The following ZNF446 variants were observed in gnomAD, a reference collection of about 807,000 sequenced individuals.
The protein encoded by ZNF446 is zinc finger protein with KRAB and SCAN domains 20.
Under a neutral mutation model 34.0 loss-of-function variants are expected in ZNF446, and 42 were observed. The ratio of observed to expected loss-of-function variants is 1.23; its 90% confidence interval spans 0.96 to 1.60. The LOEUF (loss-of-function observed/expected upper bound fraction) is 1.60, where lower values mean the gene tolerates loss of function less well. Ranked by LOEUF, ZNF446 falls within the 40% of genes most tolerant of loss-of-function variation. ZNF446 has a pLI of 0.00. For synonymous variants in ZNF446, 315 were observed against 251.0 expected (o/e 1.25, Z -2.41); for missense variants, 650 against 600.2 (o/e 1.08, Z -0.87).
chr19:58,484,047 G>A (rs968533718), downstream of ZNF446, among the ~76,000 whole-genome samples: 6 of 151,948 alleles, frequency 3.9e-5, no homozygotes, highest in African/African-American at 1.5e-4. Context: ...TGAGTTACAG[G>A]GAACATGAGA....
At chr19:58,478,288 T>C (rs2053107394) in intron 4 of ZNF446, 107 bp downstream of exon 4, 2 of 1,023,928 alleles carry the variant, frequency 2.0e-6, no homozygotes, top group Non-Finnish European at 2.8e-6. Context: ...AGTGGCTCTT[T>C]GCTTCCCAGA....
Position 58,480,722 on chromosome 19 carries a change from C to T in ZNF446, c.1349C>T (p.Pro450Leu), listed in dbSNP as rs2053133449. The change falls in exon 7 of 7, where the codon CCA becomes CTA. Residue 450 changes from proline (P) to leucine (L), a missense_variant. By Grantham distance (98) the Pro-to-Leu change is moderately conservative. Coordinates refer to ENST00000594369, the MANE Select transcript of ZNF446 (RefSeq NM_017908.4). The surrounding 1 kb of genome is among the most constrained non-coding windows in gnomAD (Gnocchi z 7.2). ...CGCAAGGGCCACCGGCCGGAGGTTC[C>T]ATGAGCAGCCAGACAGCACAGTCCC... Reference protein sequence around the residue: ...IHRKGHRPEVP With the variant: ...IHRKGHRPEVL The T allele has an allele frequency of 1.2e-6, 2 of 1,601,966 alleles. No individual in the cohort carries two copies. The highest frequency in any genetic ancestry group is 1.7e-5 in the Admixed American group (1 of 59,972).
Position 58,479,997 on chromosome 19 carries a change from C to G in ZNF446, c.780C>G (p.Gly260=). The change falls in exon 6 of 7, where the codon GGC becomes GGG. Residue 260 remains glycine (G), a synonymous_variant. Coordinates refer to ENST00000594369, the MANE Select transcript of ZNF446 (RefSeq NM_017908.4). ...TGGGGATGCTGCTCACGGGGACAGG[C>G]GTCTGCAGAAGCCTGCGCTCGGGTG... ...SELGMLLTGT[G]VCRSLRSGNE... The G allele has an allele frequency of 6.3e-7, 1 of 1,589,016 alleles. No homozygotes were observed. Among genetic ancestry groups the G allele is most frequent in the South Asian group, 1.1e-5 (1 of 87,560 alleles).
intron 1 of ZNF446, 71 bp from the exon 2 acceptor site, chr19:58,477,108 G>A: frequency 1.0e-6 from 1 of 959,028 alleles, no homozygotes. Context: ...AGCCCCCTGG[G>A]CTGAGCCTGG....
chr19:58,485,345 CAA>C (rs72492218), downstream of ZNF446, among the ~76,000 whole-genome samples: 34 of 120,628 alleles, frequency 2.8e-4, no homozygotes, highest in Non-Finnish European at 3.2e-4. Flanking sequence ...ACTAAAAATA[CAA>C]AAAAAAAAAA....
In ZNF446 at chr19:58,479,712, A is replaced by C. The variant is rs1026385360; in HGVS notation, c.697A>C (p.Thr233Pro). The C allele has an allele frequency of 5.0e-6, 8 of 1,613,094 alleles. No homozygotes were observed. The highest frequency in any genetic ancestry group is 6.8e-6 in the Non-Finnish European group (8 of 1,179,808). ...GGATGCGATGCTGGAGAAGTACGGC[A>C]CAGTGGTCTCCCTGGGTGAGGACCA... ...YWDAMLEKYG[T>P]VVSLGLPPHQ... The change falls in exon 5 of 7, where the codon ACA becomes CCA. Residue 233 changes from threonine (T) to proline (P), a missense_variant. By Grantham distance (38) the Thr-to-Pro change is conservative. Transcript: ENST00000594369.
chr19:58,477,164 C>T lies in ZNF446; in HGVS notation c.-40-15C>T. ...GATTCTCTTGGCTGACATTCCGACC[C>T]TTCCTTTTCTGTAGGCCCATCTTGA... On this transcript the variant is annotated splice_polypyrimidine_tract_variant and intron_variant, in intron 1 of 6. Coordinates refer to ENST00000594369, the MANE Select transcript of ZNF446 (RefSeq NM_017908.4). 2.1e-6 allele frequency: 3 copies of T among 1,454,414 alleles called. No individual in the cohort carries two copies. The highest frequency in any genetic ancestry group is 9.2e-7 in the Non-Finnish European group (1 of 1,086,920). 90.1% of individuals were successfully genotyped at this position (1,454,414 alleles called of 1,614,324 possible). A position where few individuals can be genotyped will look rare whatever the true frequency, so the allele number is the denominator to read the frequency against.
In ZNF446 at chr19:58,480,955, C is replaced by T. The variant is rs1319364682; in HGVS notation, c.*229C>T. 1.7e-6 allele frequency: 1 copy of T among 584,950 alleles called. No homozygotes were observed. The highest frequency in any genetic ancestry group is 1.9e-5 in the African/African-American group (1 of 53,664). 36.2% of individuals were successfully genotyped at this position (584,950 alleles called of 1,614,324 possible). ...GCCTCCTAGAGGGAGGTCTGGGTTCCCTTCTATGGCTGACCAGTGCCTGTG... is the reference window on the plus strand; with the variant it reads ...GCCTCCTAGAGGGAGGTCTGGGTTCTCTTCTATGGCTGACCAGTGCCTGTG... On this transcript the variant is annotated 3_prime_UTR_variant, in exon 7 of 7. Coordinates refer to ENST00000594369, the MANE Select transcript of ZNF446 (RefSeq NM_017908.4). This position sits in a 1 kb window ranked among gnomAD's most constrained non-coding sequence, Gnocchi z 7.2.
At position 58,476,425 on chromosome 19, in the gene ZNF446, C is replaced by A. The variant is rs890675820; in HGVS notation, c.-120C>A. 2 of 152,372 alleles carry A rather than the reference C, an allele frequency of 1.3e-5. No homozygotes were observed. Among genetic ancestry groups the A allele is most frequent in the Admixed American group, 1.3e-4 (2 of 15,292 alleles). The allele number at this position is 152,372 out of a possible 1,614,324, so 9.4% of individuals were successfully genotyped here. A position where few individuals can be genotyped will look rare whatever the true frequency, so the allele number is the denominator to read the frequency against. On this transcript the variant is annotated 5_prime_UTR_variant, in exon 1 of 7. Transcript: ENST00000594369. ...CTTGGAACGCCTCCCTCTTGCCTTC[C>A]CCTTTTGGGGACAGATCCCGAAGTT...
chr19:58,480,771 C>T lies in ZNF446; in HGVS notation c.*45C>T, dbSNP rs372929896. On this transcript the variant is annotated 3_prime_UTR_variant, in exon 7 of 7. Coordinates refer to ENST00000594369, the MANE Select transcript of ZNF446 (RefSeq NM_017908.4). This position sits in a 1 kb window ranked among gnomAD's most constrained non-coding sequence, Gnocchi z 7.2. Reference sequence around the variant, plus strand: ...CCTCGGGGCCTCGGTGTTCTCGGGGCCTGGATACAGCCTCTGGGGCACCAG... The same window carrying T: ...CCTCGGGGCCTCGGTGTTCTCGGGGTCTGGATACAGCCTCTGGGGCACCAG... 160 of 1,567,446 alleles carry T rather than the reference C, an allele frequency of 1.0e-4. 1 individual carries two copies. The African/African-American group carries it at 1.7e-3, about 16-fold the overall frequency.
intron 4 of ZNF446, among the ~76,000 whole-genome samples, chr19:58,479,062 T>G (rs1461689739): frequency 6.6e-6 from 1 of 152,166 alleles, no homozygotes; most frequent in Non-Finnish European, 1.5e-5. Flanking sequence ...ACAACTCCAC[T>G]GGGGAGCTTC....
chr19:58,486,024 C>G (rs2053166799), downstream of ZNF446, among the ~76,000 whole-genome samples: 1 of 151,952 alleles, frequency 6.6e-6, no homozygotes, highest in Non-Finnish European at 1.5e-5. Flanking sequence ...ACAAGCAGTC[C>G]TCTCACCTCA....
In ZNF446 at chr19:58,477,515, C is replaced by G. The variant is rs553623828; in HGVS notation, c.297C>G (p.Ala99=). The stretch of plus-strand genomic sequence containing the variant: ...CAGGCAGTCCTGAGGAGGCCGCTGC[C>G]CTAGTCGAAGGACTGCAGCATGACC... ...QRPGSPEEAA[A]LVEGLQHDPG... is the part of the protein sequence containing the mutation. Residue 99 remains alanine (A), a synonymous_variant, in exon 2 of 7, where the codon GCC becomes GCG. Transcript: ENST00000594369. The G allele has an allele frequency of 3.3e-5, 53 of 1,612,980 alleles. 1 individual carries two copies. In the East Asian group the frequency reaches 1.2e-3, roughly 35 times the overall value.
In ZNF446 at chr19:58,477,555, G is replaced by A. The variant is rs1319186116; in HGVS notation, c.337G>A (p.Gly113Ser). Residue 113 changes from glycine to serine, a missense_variant, in exon 2 of 7, where the codon GGC (glycine) becomes AGC (serine). By Grantham distance (56) the Gly-to-Ser change is moderately conservative. Transcript: ENST00000594369. ...GCAGCATGACCCTGGGCAACTGTTG[G>A]GCTGGGTGAGTGTGGCTGGCATCAG... ...GLQHDPGQLL[G>S]WITAHVLKQE... The A allele has an allele frequency of 1.9e-6, 3 of 1,612,180 alleles. No homozygotes were observed. The highest frequency in any genetic ancestry group is 2.7e-5 in the African/African-American group (2 of 74,938).
At chr19:58,479,816 C>G in intron 5 of ZNF446, 89 bp downstream of exon 5, 1 of 1,449,846 alleles carries the variant, frequency 6.9e-7, no homozygotes, top group Non-Finnish European at 9.5e-7. Context: ...CTCTGTGCTA[C>G]CAGCCCTACC....
At chr19:58,484,425 G>A (rs938217538), downstream of ZNF446, among the ~76,000 whole-genome samples, 15 of 146,316 alleles carry the variant, frequency 1.0e-4, no homozygotes, top group Admixed American at 6.9e-5. Context: ...AAGATCTCAC[G>A]ACTGCACTCC....
In ZNF446 at chr19:58,477,569, G is replaced by A. The variant is rs1156913944; in HGVS notation, c.342+9G>A. On this transcript the variant is annotated intron_variant, in intron 2 of 6. Coordinates refer to ENST00000594369, the MANE Select transcript of ZNF446 (RefSeq NM_017908.4). ...GGCAACTGTTGGGCTGGGTGAGTGT[G>A]GCTGGCATCAGCTTCTTGGAGGGAT... The A allele has an allele frequency of 6.8e-6, 11 of 1,612,516 alleles. No individual in the cohort carries two copies. The highest frequency in any genetic ancestry group is 3.3e-5 in the South Asian group (3 of 90,956).
Position 58,477,832 on chromosome 19 carries a change from G to A in ZNF446, c.532+6G>A, listed in dbSNP as rs1385340742. 6.5e-7 allele frequency: 1 copy of A among 1,540,286 alleles called. No individual in the cohort carries two copies. Among genetic ancestry groups the A allele is most frequent in the East Asian group, 2.3e-5 (1 of 43,916 alleles). ...TGTCGATGGACAGGAAGTGGGTGAG[G>A]TTGGGGTCCCACCAGAGATGAGGGA... On this transcript the variant is annotated splice_donor_region_variant and intron_variant, in intron 3 of 6. Transcript: ENST00000594369.
chr19:58,476,690 T>C (rs2053088919), intron 1 of ZNF446, among the ~76,000 whole-genome samples, 186 bp downstream of exon 1: 2 of 151,638 alleles, frequency 1.3e-5, no homozygotes, highest in African/African-American at 2.4e-5. Context: ...ACGTGCCCCC[T>C]CCCCAGAGCC....
Sources: gnomAD v4.1 joint callset for allele counts (sites outside exome capture counted in the v4.1 genomes callset) on GRCh38, gnomAD v4.1.1 for gene constraint, Gnocchi (gnomAD v3.1) non-coding constraint, MANE v1.5 for transcripts, NCBI Gene and HGNC (gene_info 2026-07-23, HGNC 2026-07-21) for gene names.